Variants in VWC2L observed in about 807,000 individuals in gnomAD.
VWC2L encodes von Willebrand factor C domain-containing protein 2-like.
Under a neutral mutation model 21.6 loss-of-function variants are expected in VWC2L, and 10 were observed. That is an observed-to-expected ratio of 0.46 (90% CI 0.29 to 0.78). The LOEUF is 0.78. VWC2L is among the 30% of genes least tolerant of loss of function. VWC2L has a pLI of 0.10. For synonymous variants in VWC2L, 96 were observed against 94.3 expected (o/e 1.02, Z -0.10); for missense variants, 209 against 277.1 (o/e 0.75, Z 1.74).
At chr2:214,462,525 T>A (rs1245050227) in intron 3 of VWC2L, among the ~76,000 whole-genome samples, 1 of 152,216 alleles carries the variant, frequency 6.6e-6, no homozygotes, top group Non-Finnish European at 1.5e-5. Context: ...GTGCCTCTAG[T>A]CAGCCTCCTT....
At chr2:214,443,791 A>G (rs549255295) in intron 3 of VWC2L, among the ~76,000 whole-genome samples, 2 of 152,338 alleles carry the variant, frequency 1.3e-5, no homozygotes, top group South Asian at 4.1e-4. Flanking sequence ...CTATCATCTT[A>G]CATTTCAGAT....
At chr2:214,418,422 T>A (rs1702387836) in intron 2 of VWC2L, among the ~76,000 whole-genome samples, 1 of 152,144 alleles carries the variant, frequency 6.6e-6, no homozygotes, top group African/African-American at 2.4e-5. Flanking sequence ...CCAGGCAGCT[T>A]GACTGCAGAA....
chr2:214,563,578 A>AAAAAAAAAAAAAAAAAAAAG (rs1229933171), intron 3 of VWC2L, among the ~76,000 whole-genome samples: 2 of 133,530 alleles, frequency 1.5e-5, no homozygotes, highest in Non-Finnish European at 3.1e-5. Context: ...AAAAAAAAAA[A>AAAAAAAAAAAAAAAAAAAAG]AAATCAAGTG....
At position 214,497,869 on chromosome 2, in the gene VWC2L, T is replaced by A. The variant is rs146701176; in HGVS notation, c.520+61111T>A. On this transcript the variant is annotated intron_variant, in intron 3 of 3. Transcript: ENST00000312504. The stretch of plus-strand genomic sequence containing the variant: ...TCTTTCAACAATGATAGTAAGTTCA[T>A]AACTTCTGTTAAATCTGTAGTATAT... Among the ~76,000 whole-genome samples the A allele has an allele frequency of 1.7e-4, 26 of 152,364 alleles. No individual in the cohort carries two copies. The East Asian group carries it at 4.0e-3, about 24-fold the overall frequency.
At chr2:214,465,465 C>T (rs1302940476) in intron 3 of VWC2L, among the ~76,000 whole-genome samples, 1 of 152,184 alleles carries the variant, frequency 6.6e-6, no homozygotes, top group African/African-American at 2.4e-5. Context: ...CCTCAGGACT[C>T]TGCCTGGTGC....
chr2:214,436,595 G>A (rs1702682585), intron 2 of VWC2L, 34 bp from the exon 3 acceptor site: 1 of 1,610,080 alleles, frequency 6.2e-7, no homozygotes, highest in Non-Finnish European at 8.5e-7. Context: ...TTAAGTTATA[G>A]GAGAAAAGGG....
At chr2:214,484,014 T>C (rs1415986614) in intron 3 of VWC2L, among the ~76,000 whole-genome samples, 1 of 152,194 alleles carries the variant, frequency 6.6e-6, no homozygotes, top group Non-Finnish European at 1.5e-5. Flanking sequence ...TTCTAGTTTC[T>C]GGCAATCGCT....
At chr2:214,435,935 CT>C (rs1410435622) in intron 2 of VWC2L, among the ~76,000 whole-genome samples, 1 of 152,010 alleles carries the variant, frequency 6.6e-6, no homozygotes, top group Non-Finnish European at 1.5e-5. Flanking sequence ...ATTTTTTTCT[CT>C]TAATTATCAT....
intron 3 of VWC2L, among the ~76,000 whole-genome samples, chr2:214,555,865 A>G (rs1440157632): frequency 1.3e-5 from 2 of 152,196 alleles, no homozygotes; most frequent in African/African-American, 4.8e-5. Flanking sequence ...TATTCTCATC[A>G]TATAAAATCT....
At chr2:214,541,460 G>T (rs1456142065) in intron 3 of VWC2L, among the ~76,000 whole-genome samples, 1 of 152,118 alleles carries the variant, frequency 6.6e-6, no homozygotes, top group Admixed American at 6.6e-5. Context: ...ATGCTTCTGG[G>T]CATAGAATAG....
intron 3 of VWC2L, among the ~76,000 whole-genome samples, chr2:214,512,253 A>G (rs1047812722): frequency 6.6e-6 from 1 of 152,210 alleles, no homozygotes; most frequent in Non-Finnish European, 1.5e-5. Flanking sequence ...CTGTACCTTC[A>G]GGATACCTAT....
chr2:214,439,914 A>C (rs1244276447), intron 3 of VWC2L, among the ~76,000 whole-genome samples: 2 of 151,956 alleles, frequency 1.3e-5, no homozygotes, highest in Non-Finnish European at 2.9e-5. Context: ...TAAATATTTT[A>C]ATATTATAAA....
intron 3 of VWC2L, among the ~76,000 whole-genome samples, chr2:214,521,210 G>A (rs530158456): frequency 4.6e-5 from 7 of 150,812 alleles, no homozygotes; most frequent in African/African-American, 1.5e-4. Flanking sequence ...GGACGACAGA[G>A]GGAGACTCTG....
intron 3 of VWC2L, among the ~76,000 whole-genome samples, chr2:214,516,509 T>C (rs72943384): frequency 0.045 from 6,782 of 152,304 alleles, 232 homozygotes; most frequent in Non-Finnish European, 0.066. Context: ...AGAAAGCTAA[T>C]AGGCTCAATA....
intron 3 of VWC2L, among the ~76,000 whole-genome samples, chr2:214,441,608 C>T (rs951114953): frequency 6.6e-6 from 1 of 151,904 alleles, no homozygotes; most frequent in Non-Finnish European, 1.5e-5. Context: ...TCAAAGTCAG[C>T]AGTTTCACCT....
intron 3 of VWC2L, among the ~76,000 whole-genome samples, chr2:214,515,748 T>A (rs556119226): frequency 6.6e-6 from 1 of 152,146 alleles, no homozygotes; most frequent in Non-Finnish European, 1.5e-5. Flanking sequence ...AGAGATGGGG[T>A]TTCACCATGT....
chr2:214,565,612 T>A (rs1574640100), intron 3 of VWC2L, among the ~76,000 whole-genome samples: 1 of 152,180 alleles, frequency 6.6e-6, no homozygotes, highest in Non-Finnish European at 1.5e-5. Flanking sequence ...ACAAGATTAA[T>A]TTCTTCATTG....
intron 3 of VWC2L, among the ~76,000 whole-genome samples, chr2:214,558,760 T>C (rs906053486): frequency 1.3e-5 from 2 of 152,036 alleles, no homozygotes; most frequent in Non-Finnish European, 2.9e-5. Flanking sequence ...AAATTGGTTA[T>C]GTCGTGGTTG....
chr2:214,429,749 A>T (rs1303763294), intron 2 of VWC2L, among the ~76,000 whole-genome samples: 2 of 152,106 alleles, frequency 1.3e-5, no homozygotes, highest in South Asian at 2.1e-4. Flanking sequence ...GCAGAAAATT[A>T]TAGGGTTACC....
Sources: allele counts gnomAD v4.1 joint callset (sites outside exome capture counted in the v4.1 genomes callset), GRCh38; gene constraint gnomAD v4.1.1; transcripts MANE v1.5; gene names NCBI Gene and HGNC (gene_info 2026-07-23, HGNC 2026-07-21).